Variants in NSMCE2 observed in about 807,000 individuals in gnomAD.
NSMCE2 encodes E3 SUMO-protein ligase NSE2.
NSMCE2 carries 24 observed loss-of-function variants against 23.8 expected under a neutral mutation model. The ratio of observed to expected loss-of-function variants is 1.01; its 90% CI spans 0.73 to 1.42. NSMCE2 has a LOEUF of 1.42. Among genes scored for constraint, NSMCE2 ranks in the 40% most tolerant of loss-of-function variants. The pLI is 0.00. For synonymous variants in NSMCE2, 92 were observed against 94.1 expected (o/e 0.98, Z 0.13); for missense variants, 284 against 296.5 (o/e 0.96, Z 0.31).
chr8:125,184,307 T>C (rs1822969405), intron 5 of NSMCE2, among the ~76,000 whole-genome samples: 1 of 152,152 alleles, frequency 6.6e-6, no homozygotes. Flanking sequence ...TAAGAACATA[T>C]AATTCAAAAA....
chr8:125,105,473 T>TC (rs2130383104), intron 3 of NSMCE2, among the ~76,000 whole-genome samples: 1 of 152,292 alleles, frequency 6.6e-6, no homozygotes, highest in African/African-American at 2.4e-5. Context: ...GTTTTTTTTT[T>TC]CTCTTGGTTT....
At chr8:125,332,246 A>G (rs1829907817) in intron 5 of NSMCE2, among the ~76,000 whole-genome samples, 1 of 152,254 alleles carries the variant, frequency 6.6e-6, no homozygotes, top group Admixed American at 6.5e-5. Flanking sequence ...TATAAAGGGC[A>G]TATTTTTGTC....
Position 125,352,460 on chromosome 8 carries a change from G to A in NSMCE2, c.419-4759G>A, listed in dbSNP as rs189966025. On this transcript the variant is annotated intron_variant, in intron 5 of 7. Transcript: ENST00000287437. ...CATTGCACTCTAGCCTGGGCGACAA[G>A]AGTGAAAATCCATCTCAAAAAAAAA... 4.3e-3 allele frequency among the ~76,000 whole-genome samples: 631 copies of A among 145,518 alleles called. 7 individuals carry two copies. The highest frequency in any genetic ancestry group is 0.016 in the African/African-American group (610 of 39,184).
intron 1 of NSMCE2, among the ~76,000 whole-genome samples, chr8:125,093,478 C>T (rs1023778941): frequency 1.3e-5 from 2 of 152,162 alleles, no homozygotes; most frequent in South Asian, 2.1e-4. Flanking sequence ...CACTTGAGGT[C>T]GGGTGTTTGA....
At chr8:125,137,397 A>G (rs1820126304) in intron 3 of NSMCE2, among the ~76,000 whole-genome samples, 1 of 152,160 alleles carries the variant, frequency 6.6e-6, no homozygotes, top group South Asian at 2.1e-4. Context: ...AAGGAGGCTG[A>G]CCCTATTCGT....
chr8:125,320,647 T>TTTTAA (rs1267456969), intron 5 of NSMCE2, among the ~76,000 whole-genome samples: 7 of 152,046 alleles, frequency 4.6e-5, no homozygotes, highest in African/African-American at 1.7e-4. Context: ...CCCAGCAAAA[T>TTTTAA]ATATTTTTTA....
chr8:125,123,901 T>C (rs1333573849), intron 3 of NSMCE2, among the ~76,000 whole-genome samples: 1 of 152,230 alleles, frequency 6.6e-6, no homozygotes, highest in Non-Finnish European at 1.5e-5. Context: ...AATAACAACT[T>C]TATTGAGGTA....
intron 5 of NSMCE2, among the ~76,000 whole-genome samples, chr8:125,252,665 G>A (rs557184156): frequency 1.4e-3 from 216 of 152,360 alleles, no homozygotes; most frequent in Non-Finnish European, 1.7e-3. Flanking sequence ...ACATAAATGG[G>A]ACATCTTATA....
chr8:125,147,741 C>G (rs116662396), intron 3 of NSMCE2, among the ~76,000 whole-genome samples: 4 of 152,146 alleles, frequency 2.6e-5, no homozygotes, highest in African/African-American at 9.7e-5. Context: ...ACCCCAACCC[C>G]CAGCAACTTT....
intron 5 of NSMCE2, among the ~76,000 whole-genome samples, chr8:125,247,342 AAG>A (rs1362110521): frequency 2.0e-5 from 3 of 152,146 alleles, no homozygotes; most frequent in Non-Finnish European, 4.4e-5. Flanking sequence ...CCAAAAAAAA[AAG>A]TTAAGGACAC....
chr8:125,321,586 A>C (rs1433578348), intron 5 of NSMCE2, among the ~76,000 whole-genome samples: 1 of 152,266 alleles, frequency 6.6e-6, no homozygotes, highest in Non-Finnish European at 1.5e-5. Flanking sequence ...TTATTATAAG[A>C]AAAAGAAAAT....
intron 3 of NSMCE2, among the ~76,000 whole-genome samples, chr8:125,135,938 A>C (rs76906444): frequency 0.022 from 3,324 of 152,232 alleles, 132 homozygotes; most frequent in African/African-American, 0.076. Context: ...ATTTCTACAG[A>C]GAAGTCGGCC....
intron 5 of NSMCE2, among the ~76,000 whole-genome samples, chr8:125,295,985 A>G (rs1398585912): frequency 6.6e-6 from 1 of 152,202 alleles, no homozygotes; most frequent in African/African-American, 2.4e-5. Context: ...AATAACTAAT[A>G]TTTATTAAAG....
intron 3 of NSMCE2, among the ~76,000 whole-genome samples, chr8:125,132,950 C>T (rs1488856227): frequency 6.6e-6 from 1 of 152,184 alleles, no homozygotes; most frequent in Non-Finnish European, 1.5e-5. Flanking sequence ...TCATCTAACT[C>T]TCTCTTAAAA....
chr8:125,114,989 T>C (rs991291652), intron 3 of NSMCE2, among the ~76,000 whole-genome samples: 4 of 152,244 alleles, frequency 2.6e-5, no homozygotes, highest in Non-Finnish European at 5.9e-5. Context: ...TTTATGTTTC[T>C]TTATGTGTCA....
intron 5 of NSMCE2, among the ~76,000 whole-genome samples, chr8:125,237,324 A>T (rs1374148605): frequency 6.6e-6 from 1 of 152,204 alleles, no homozygotes; most frequent in Non-Finnish European, 1.5e-5. Flanking sequence ...GACATCTTAA[A>T]CACACTCACA....
In NSMCE2 at chr8:125,205,923, A is replaced by C. The variant is rs148803582; in HGVS notation, c.418+23667A>C. Among the ~76,000 whole-genome samples, 43 of 152,316 alleles carry C rather than the reference A, an allele frequency of 2.8e-4. No individual in the cohort carries two copies. In the East Asian group the frequency reaches 7.3e-3, roughly 26 times the overall value. On this transcript the variant is annotated intron_variant, in intron 5 of 7. Coordinates refer to ENST00000287437, the MANE Select transcript of NSMCE2 (RefSeq NM_173685.4). ...TATAAAATGTGTGCCAAAACTCTTT[A>C]ATATATTGTCCTGGTAAGTGTGCTT...
chr8:125,118,562 C>T (rs1056070863), intron 3 of NSMCE2, among the ~76,000 whole-genome samples: 1 of 152,156 alleles, frequency 6.6e-6, no homozygotes, highest in Admixed American at 6.5e-5. Context: ...TAGGTGGCAC[C>T]AGAACACTTC....
At chr8:125,218,215 C>G (rs1824686658) in intron 5 of NSMCE2, among the ~76,000 whole-genome samples, 1 of 152,134 alleles carries the variant, frequency 6.6e-6, no homozygotes, top group Non-Finnish European at 1.5e-5. Context: ...ATATTTTTTA[C>G]TGACCAAAAT....
Sources: allele counts gnomAD v4.1 joint callset (sites outside exome capture counted in the v4.1 genomes callset), GRCh38; gene constraint gnomAD v4.1.1; transcripts MANE v1.5; gene names NCBI Gene and HGNC (gene_info 2026-07-23, HGNC 2026-07-21).